Variants in NFIA observed in about 807,000 individuals in gnomAD.
NFIA encodes nuclear factor I A, also known as nuclear factor 1 A-type.
NFIA carries 8 observed loss-of-function variants against 62.8 expected under a neutral mutation model. The ratio of observed to expected loss-of-function variants is 0.13; its 90% CI spans 0.07 to 0.23. The LOEUF (loss-of-function observed/expected upper bound fraction) is 0.23. Among genes scored for constraint, NFIA ranks in the 10% least tolerant of loss-of-function variants. NFIA has a pLI of 1.00. For synonymous variants in NFIA, 235 were observed against 238.1 expected (o/e 0.99, Z 0.12); for missense variants, 410 against 642.1 (o/e 0.64, Z 3.91).
intron 2 of NFIA, among the ~76,000 whole-genome samples, chr1:61,134,234 C>CTG (rs200503542): frequency 1.5e-5 from 2 of 129,726 alleles, no homozygotes; most frequent in Non-Finnish European, 3.2e-5. Context: ...GCTTTACAGA[C>CTG]TGTGTGTGTG....
chr1:61,141,838 A>G (rs1035641501), intron 2 of NFIA, among the ~76,000 whole-genome samples: 23 of 152,194 alleles, frequency 1.5e-4, no homozygotes, highest in South Asian at 2.1e-4. Flanking sequence ...TGCATATGCA[A>G]CTGTCTTTCC....
chr1:61,409,413 A>T (rs1665996524), intron 9 of NFIA, among the ~76,000 whole-genome samples: 1 of 152,140 alleles, frequency 6.6e-6, no homozygotes. Flanking sequence ...TCTTAACAAG[A>T]TGGTGTTAGG....
At chr1:61,266,697 G>A (rs1570479575) in intron 2 of NFIA, among the ~76,000 whole-genome samples, 1 of 152,280 alleles carries the variant, frequency 6.6e-6, no homozygotes, top group East Asian at 1.9e-4. Context: ...ACTGTACCTG[G>A]CCTGAAAGAG....
Position 61,345,282 on chromosome 1 carries a change from G to T in NFIA, c.701-7168G>T, listed in dbSNP as rs576922735. ...TTTATAGAATTCTGAGTTTCATTTGGTATTGTTTAAAGTTTAGAGGGGGCA... is the reference window on the plus strand; with the variant it reads ...TTTATAGAATTCTGAGTTTCATTTGTTATTGTTTAAAGTTTAGAGGGGGCA... On this transcript the variant is annotated intron_variant, in intron 4 of 10. Transcript: ENST00000403491. 1.1e-4 allele frequency among the ~76,000 whole-genome samples: 16 copies of T among 152,214 alleles called. No individual in the cohort carries two copies. The South Asian group carries it at 3.1e-3, about 30-fold the overall frequency.
At chr1:61,341,462 T>A (rs922803877) in intron 4 of NFIA, among the ~76,000 whole-genome samples, 1 of 152,018 alleles carries the variant, frequency 6.6e-6, no homozygotes, top group Non-Finnish European at 1.5e-5. Context: ...ATGCTACAGG[T>A]CATTACTGAC....
rs188271889 is a variant in NFIA, at chr1:61,459,972, C to T, written c.*4652C>T. The T allele has an allele frequency of 6.1e-4, 93 of 152,060 alleles. No individual in the cohort carries two copies. The highest frequency in any genetic ancestry group is 2.1e-3 in the African/African-American group (85 of 41,442). 9.4% of individuals were successfully genotyped at this position (152,060 alleles called of 1,614,324 possible). ...GTTTTCTTTCTTGTCTTCATTCTTT[C>T]TTTTCTTTTTTATTTCTGGTAGCAG... On this transcript the variant is annotated 3_prime_UTR_variant, in exon 11 of 11. Coordinates refer to ENST00000403491, the MANE Select transcript of NFIA (RefSeq NM_001134673.4).
At chr1:61,206,913 C>T (rs978824820) in intron 2 of NFIA, among the ~76,000 whole-genome samples, 4 of 152,118 alleles carry the variant, frequency 2.6e-5, no homozygotes, top group African/African-American at 4.8e-5. Context: ...ACCAACATAC[C>T]TGTTATTCTG....
intron 10 of NFIA, among the ~76,000 whole-genome samples, chr1:61,438,330 G>A (rs114544485): frequency 0.011 from 1,616 of 152,274 alleles, 29 homozygotes; most frequent in African/African-American, 0.037. Flanking sequence ...CCAGTGTGTG[G>A]TGCTGCCTTT....
At chr1:61,189,062 A>G (rs1480331831) in intron 2 of NFIA, among the ~76,000 whole-genome samples, 3 of 152,184 alleles carry the variant, frequency 2.0e-5, no homozygotes, top group Non-Finnish European at 4.4e-5. Flanking sequence ...GGGACCAAGG[A>G]GATAACTGTA....
intron 10 of NFIA, among the ~76,000 whole-genome samples, chr1:61,438,110 T>G (rs1432844038): frequency 1.3e-5 from 2 of 152,134 alleles, no homozygotes; most frequent in Non-Finnish European, 2.9e-5. Context: ...ACCTTCCTCT[T>G]CTGGGCAGCA....
intron 3 of NFIA, among the ~76,000 whole-genome samples, chr1:61,308,898 T>C (rs1227888964): frequency 1.3e-5 from 2 of 152,146 alleles, no homozygotes; most frequent in African/African-American, 2.4e-5. Flanking sequence ...AACCTAATTA[T>C]TTTGAATGAC....
At chr1:61,450,678 T>C (rs1005640799) in intron 10 of NFIA, among the ~76,000 whole-genome samples, 2 of 152,138 alleles carry the variant, frequency 1.3e-5, no homozygotes, top group African/African-American at 4.8e-5. Flanking sequence ...TCACACCCAG[T>C]TCTGGATTCC....
chr1:61,079,018 C>G (rs540104821), upstream of NFIA, among the ~76,000 whole-genome samples: 1 of 152,348 alleles, frequency 6.6e-6, no homozygotes, highest in Non-Finnish European at 1.5e-5. Context: ...GGCTCTTTCC[C>G]TTCTTTGGAT....
chr1:61,168,825 G>C (rs1472891273), intron 2 of NFIA, among the ~76,000 whole-genome samples: 1 of 152,054 alleles, frequency 6.6e-6, no homozygotes, highest in Non-Finnish European at 1.5e-5. Context: ...AATTATGAAT[G>C]GCTGTTAAAT....
intron 2 of NFIA, among the ~76,000 whole-genome samples, chr1:61,248,590 T>G (rs1655802937): frequency 6.6e-6 from 1 of 152,178 alleles, no homozygotes. Context: ...TCTGAGACAA[T>G]TAATGAAGGG....
chr1:61,167,118 G>A (rs991117612), intron 2 of NFIA, among the ~76,000 whole-genome samples: 2 of 152,168 alleles, frequency 1.3e-5, no homozygotes, highest in Non-Finnish European at 2.9e-5. Flanking sequence ...TCCAGCCTGG[G>A]TGACAGAGTG....
At chr1:61,169,393 T>C (rs1649795948) in intron 2 of NFIA, among the ~76,000 whole-genome samples, 1 of 152,222 alleles carries the variant, frequency 6.6e-6, no homozygotes. Flanking sequence ...CCCCAAGGAA[T>C]GCTCTTCTTT....
chr1:61,331,462 A>T (rs555896456), intron 3 of NFIA, among the ~76,000 whole-genome samples: 50 of 152,334 alleles, frequency 3.3e-4, no homozygotes, highest in African/African-American at 1.0e-3. Flanking sequence ...TTTTATTAAT[A>T]ACAAATTTTG....
At chr1:61,273,752 C>T (rs1657649215) in intron 2 of NFIA, among the ~76,000 whole-genome samples, 1 of 152,172 alleles carries the variant, frequency 6.6e-6, no homozygotes, top group Admixed American at 6.5e-5. Flanking sequence ...TAATATTAAT[C>T]ACACTGTAAG....
Sources: gnomAD v4.1 joint callset for allele counts (sites outside exome capture counted in the v4.1 genomes callset) on GRCh38, gnomAD v4.1.1 for gene constraint, MANE v1.5 for transcripts, NCBI Gene and HGNC (gene_info 2026-07-23, HGNC 2026-07-21) for gene names.